Variants in TMEM181 observed in about 807,000 individuals in gnomAD.
The protein encoded by TMEM181 is G protein-coupled receptor 178.
TMEM181 carries 39 observed loss-of-function variants against 71.9 expected under a neutral mutation model. The ratio of observed to expected loss-of-function variants is 0.54; its 90% CI spans 0.42 to 0.71. The LOEUF (loss-of-function observed/expected upper bound fraction) is 0.71. TMEM181 is among the 30% of genes least tolerant of loss of function. The probability of loss-of-function intolerance (pLI) is 0.00; values close to 1 mark genes in which losing one functional copy is unlikely to be tolerated. For synonymous variants in TMEM181, 245 were observed against 228.8 expected (o/e 1.07, Z -0.64); for missense variants, 595 against 583.0 (o/e 1.02, Z -0.21).
chr6:158,585,709 A>G (rs1484796698), intron 5 of TMEM181, among the ~76,000 whole-genome samples: 2 of 152,342 alleles, frequency 1.3e-5, no homozygotes, highest in Admixed American at 1.3e-4. Context: ...CACCCTGAGC[A>G]TACACGGTAC....
intron 1 of TMEM181, among the ~76,000 whole-genome samples, chr6:158,550,686 T>C (rs4709209): frequency 0.61 from 92,896 of 151,676 alleles, 28,826 homozygotes; most frequent in East Asian, 0.73. Context: ...GTAGTTTCAT[T>C]TTACAGGTCT....
intron 10 of TMEM181, among the ~76,000 whole-genome samples, chr6:158,618,300 C>A (rs1021056793): frequency 7.3e-6 from 1 of 137,894 alleles, no homozygotes; most frequent in Non-Finnish European, 1.6e-5. Flanking sequence ...AGGATTGCAA[C>A]CCCTGCTTTT....
Position 158,600,755 on chromosome 6 carries a change from G to A in TMEM181, c.493-4512G>A, listed in dbSNP as rs138986456. On this transcript the variant is annotated intron_variant, in intron 6 of 16. Coordinates refer to ENST00000684151, the MANE Select transcript of TMEM181 (RefSeq NM_001376852.1). ...CAAAGTGCTGAGATTACAGGTGTGA[G>A]CCACCGCACCCGGCCCTAGTGGTAA... 6.5e-3 allele frequency among the ~76,000 whole-genome samples: 995 copies of A among 152,242 alleles called. 6 individuals are homozygous for A. Among genetic ancestry groups the A allele is most frequent in the African/African-American group, 0.022 (919 of 41,522 alleles).
chr6:158,565,067 G>C (rs931006964), intron 1 of TMEM181, among the ~76,000 whole-genome samples: 1 of 152,202 alleles, frequency 6.6e-6, no homozygotes, highest in Non-Finnish European at 1.5e-5. Flanking sequence ...TGCGGATGCT[G>C]GTGTTGCTGG....
At chr6:158,617,034 A>G (rs1468788986) in intron 10 of TMEM181, among the ~76,000 whole-genome samples, 3 of 152,106 alleles carry the variant, frequency 2.0e-5, no homozygotes. Context: ...TTTTCTATTG[A>G]TTGGAATAGT....
intron 13 of TMEM181, chr6:158,626,675 T>A (rs932314146): frequency 2.2e-6 from 1 of 457,206 alleles, no homozygotes; most frequent in Non-Finnish European, 4.4e-6. Flanking sequence ...TAATGCTGCA[T>A]GTGTGTTGTA....
chr6:158,619,385 G>C (rs925193281), intron 10 of TMEM181, among the ~76,000 whole-genome samples: 1 of 152,090 alleles, frequency 6.6e-6, no homozygotes, highest in African/African-American at 2.4e-5. Context: ...ATTCTAGTTA[G>C]CCATTTGTCT....
intron 6 of TMEM181, among the ~76,000 whole-genome samples, chr6:158,595,493 T>C (rs956751864): frequency 1.3e-5 from 2 of 152,222 alleles, no homozygotes; most frequent in African/African-American, 4.8e-5. Flanking sequence ...TATTTAGATA[T>C]TCACAGCAGC....
chr6:158,615,433 T>C (rs1421109943), intron 10 of TMEM181, among the ~76,000 whole-genome samples: 1 of 152,216 alleles, frequency 6.6e-6, no homozygotes, highest in South Asian at 2.1e-4. Context: ...ATTCTGTAGG[T>C]TGCCTGTTCA....
chr6:158,586,943 C>T (rs1487714684), intron 5 of TMEM181, among the ~76,000 whole-genome samples: 1 of 152,146 alleles, frequency 6.6e-6, no homozygotes, highest in East Asian at 1.9e-4. Flanking sequence ...GCGATCAGTA[C>T]TGCTGAAGGG....
Position 158,554,000 on chromosome 6 carries a change from G to A in TMEM181, c.131+17135G>A, listed in dbSNP as rs146917320. On this transcript the variant is annotated intron_variant, in intron 1 of 16. Coordinates refer to the TMEM181 transcript ENST00000367090. ...CAGCTCGCCAGAACCCCCACCTCCC[G>A]GGTTAAAGTGATTCTCCTGCCTCAT... Among the ~76,000 whole-genome samples, 555 of 151,900 alleles carry A rather than the reference G, an allele frequency of 3.7e-3. 7 individuals are homozygous for A. The highest frequency in any genetic ancestry group is 0.013 in the African/African-American group (537 of 41,424).
intron 10 of TMEM181, chr6:158,610,570 C>A: frequency 2.3e-6 from 1 of 432,654 alleles, no homozygotes. Context: ...CACAAGGACA[C>A]AGAGGCATCT....
At chr6:158,619,960 T>G (rs1377666491) in intron 10 of TMEM181, among the ~76,000 whole-genome samples, 5 of 151,818 alleles carry the variant, frequency 3.3e-5, no homozygotes. Context: ...GGGAACCTCT[T>G]GCCATTTGCC....
rs549542283 is a variant in TMEM181, at chr6:158,602,996, T to G, written c.493-2271T>G. On this transcript the variant is annotated intron_variant, in intron 6 of 16. Coordinates refer to ENST00000684151, the MANE Select transcript of TMEM181 (RefSeq NM_001376852.1). ...ATCTTCGTCTAATGTAATAATGTTC[T>G]TCCCTCTCCCCACCCCCTTTTAAGA... 2.6e-5 allele frequency among the ~76,000 whole-genome samples: 4 copies of G among 152,346 alleles called. No individual in the cohort carries two copies. The East Asian group carries it at 7.7e-4, about 29-fold the overall frequency.
At chr6:158,611,319 T>C in intron 10 of TMEM181, 1 of 508,040 alleles carries the variant, frequency 2.0e-6, no homozygotes, top group Non-Finnish European at 4.0e-6. Context: ...TGGGACACTC[T>C]GCTATGCTTG....
At chr6:158,537,387 G>T (rs1366856853) in intron 1 of TMEM181, among the ~76,000 whole-genome samples, 1 of 152,204 alleles carries the variant, frequency 6.6e-6, no homozygotes, top group African/African-American at 2.4e-5. Flanking sequence ...GCGGATGGGC[G>T]CGGCGGGGAA....
intron 10 of TMEM181, among the ~76,000 whole-genome samples, chr6:158,615,569 T>A (rs1258637682): frequency 6.6e-6 from 1 of 152,244 alleles, no homozygotes; most frequent in Non-Finnish European, 1.5e-5. Context: ...CATGCCCATG[T>A]CCTGAATGGC....
intron 1 of TMEM181, among the ~76,000 whole-genome samples, chr6:158,563,169 A>T (rs1172231277): frequency 1.3e-5 from 2 of 152,138 alleles, no homozygotes; most frequent in Non-Finnish European, 2.9e-5. Flanking sequence ...TTTGAGACAG[A>T]GTCTCGCTCT....
chr6:158,628,124 G>A (rs79526509), intron 13 of TMEM181, among the ~76,000 whole-genome samples: 110 of 152,330 alleles, frequency 7.2e-4, no homozygotes, highest in African/African-American at 2.5e-3. Context: ...AAGGCCCCGA[G>A]TAGGGAGAGT....
Sources: allele counts gnomAD v4.1 joint callset (sites outside exome capture counted in the v4.1 genomes callset), GRCh38; gene constraint gnomAD v4.1.1; transcripts MANE v1.5; gene names NCBI Gene and HGNC (gene_info 2026-07-23, HGNC 2026-07-21).